Variants in TTC28 observed in about 807,000 individuals in gnomAD.
TTC28 encodes the protein tetratricopeptide repeat domain 28.
TTC28 carries 61 observed loss-of-function variants against 198.0 expected under a neutral mutation model. The ratio of observed to expected loss-of-function variants is 0.31; its 90% CI spans 0.25 to 0.38. The LOEUF (loss-of-function observed/expected upper bound fraction) is 0.38. Among genes scored for constraint, TTC28 ranks in the 10% least tolerant of loss-of-function variants. The pLI is 1.00. For missense variants in TTC28, 2,678 were observed against 3,164.0 expected (o/e 0.85, Z 3.69); for synonymous variants, 1,171 against 1,297.8 (o/e 0.90, Z 2.10).
At chr22:28,418,635 A>C (rs1255550276) in intron 2 of TTC28, among the ~76,000 whole-genome samples, 1 of 152,180 alleles carries the variant, frequency 6.6e-6, no homozygotes, top group Non-Finnish European at 1.5e-5. Flanking sequence ...ACACAGAGAG[A>C]AAGAGTCTCT....
In TTC28 at chr22:28,526,554, G is replaced by C. The variant is rs2049007770; in HGVS notation, c.381+102998C>G. Among the ~76,000 whole-genome samples the C allele has an allele frequency of 2.6e-5, 4 of 152,192 alleles. No individual in the cohort carries two copies. In the South Asian group the frequency reaches 6.2e-4, roughly 24 times the overall value. ...CACCCAGTCCATACAGTGTAGGACA[G>C]CTAGAACCTAAGTAGAACGCCCACA... On this transcript the variant is annotated intron_variant, in intron 2 of 22. Coordinates refer to ENST00000397906, the MANE Select transcript of TTC28 (RefSeq NM_001145418.2).
At chr22:28,600,816 A>G (rs906702242) in intron 2 of TTC28, among the ~76,000 whole-genome samples, 2 of 152,248 alleles carry the variant, frequency 1.3e-5, no homozygotes, top group African/African-American at 2.4e-5. Flanking sequence ...CTCTTAAAGC[A>G]TGGTCACAAG....
chr22:28,452,199 C>T (rs1308356946), intron 2 of TTC28, among the ~76,000 whole-genome samples: 2 of 151,862 alleles, frequency 1.3e-5, no homozygotes, highest in Non-Finnish European at 2.9e-5. Context: ...ACCATCCTGG[C>T]TAACATGGTG....
At chr22:28,143,168 T>C (rs991440014) in intron 6 of TTC28, among the ~76,000 whole-genome samples, 11 of 152,190 alleles carry the variant, frequency 7.2e-5, no homozygotes, top group Admixed American at 1.3e-4. Flanking sequence ...TAAGAATGAC[T>C]TTTATTTTGC....
intron 5 of TTC28, among the ~76,000 whole-genome samples, chr22:28,191,836 C>T (rs529150770): frequency 6.6e-6 from 1 of 152,332 alleles, no homozygotes; most frequent in South Asian, 2.1e-4. Flanking sequence ...GGAGGCCTGC[C>T]TGCCTCTGTA....
At chr22:28,609,786 C>T (rs1207814483) in intron 2 of TTC28, among the ~76,000 whole-genome samples, 1 of 152,180 alleles carries the variant, frequency 6.6e-6, no homozygotes, top group African/African-American at 2.4e-5. Context: ...GCCAAGTGGT[C>T]TGGCTTGGTG....
intron 5 of TTC28, among the ~76,000 whole-genome samples, chr22:28,194,600 A>G (rs1414684223): frequency 1.3e-5 from 2 of 152,104 alleles, no homozygotes; most frequent in African/African-American, 4.8e-5. Flanking sequence ...GATAAAGGGG[A>G]TATCACCACC....
intron 1 of TTC28, among the ~76,000 whole-genome samples, chr22:28,652,272 C>T (rs935347806): frequency 2.0e-5 from 3 of 152,204 alleles, no homozygotes; most frequent in Non-Finnish European, 4.4e-5. Flanking sequence ...GCTTGGTGTA[C>T]ATGTGAACTG....
chr22:28,325,104 CTGGACTTTTTT>C (rs2045507124), intron 2 of TTC28, among the ~76,000 whole-genome samples: 1 of 151,120 alleles, frequency 6.6e-6, no homozygotes, highest in Admixed American at 6.6e-5. Context: ...CCGTCTGGTC[CTGGACTTTTTT>C]TGGTTGGTAA....
intron 12 of TTC28, among the ~76,000 whole-genome samples, chr22:28,057,967 G>A (rs1373574928): frequency 1.3e-5 from 2 of 152,054 alleles, no homozygotes; most frequent in Admixed American, 1.3e-4. Flanking sequence ...CAATTCTTAT[G>A]TGCCACACTG....
chr22:28,509,532 G>A (rs570927757), intron 2 of TTC28, among the ~76,000 whole-genome samples: 22 of 152,196 alleles, frequency 1.4e-4, no homozygotes, highest in African/African-American at 4.1e-4. Flanking sequence ...CAGTTAAAGC[G>A]GTGTTAAGAG....
chr22:28,570,026 T>C (rs991810675), intron 2 of TTC28, among the ~76,000 whole-genome samples: 31 of 152,198 alleles, frequency 2.0e-4, no homozygotes, highest in African/African-American at 5.1e-4. Context: ...CCAGTCAGAA[T>C]GGCTATTATT....
intron 2 of TTC28, among the ~76,000 whole-genome samples, chr22:28,593,465 G>A (rs375878194): frequency 7.4e-4 from 99 of 132,904 alleles, no homozygotes; most frequent in South Asian, 1.8e-3. Context: ...AGATAGGTAG[G>A]TAGCTAGGTA....
At chr22:28,196,046 G>T (rs1271268824) in intron 5 of TTC28, among the ~76,000 whole-genome samples, 1 of 151,696 alleles carries the variant, frequency 6.6e-6, no homozygotes, top group East Asian at 1.9e-4. Context: ...ATACTACAAG[G>T]CTACAGTAAC....
At chr22:28,248,012 A>G (rs772441521) in intron 5 of TTC28, among the ~76,000 whole-genome samples, 9 of 152,222 alleles carry the variant, frequency 5.9e-5, no homozygotes, top group Non-Finnish European at 1.3e-4. Flanking sequence ...GTTAACAAAC[A>G]ATATCATAGT....
chr22:28,592,776 T>C (rs1189766954), intron 2 of TTC28, among the ~76,000 whole-genome samples: 3 of 152,226 alleles, frequency 2.0e-5, no homozygotes, highest in Non-Finnish European at 4.4e-5. Context: ...CTATCTTTTT[T>C]GTTTTCTATT....
chr22:28,389,011 G>A (rs1258520816), intron 2 of TTC28, among the ~76,000 whole-genome samples: 13 of 151,502 alleles, frequency 8.6e-5, no homozygotes, highest in East Asian at 1.9e-4. Context: ...TTTGAGATAC[G>A]TCCCATCAAT....
intron 9 of TTC28, among the ~76,000 whole-genome samples, chr22:28,099,488 T>A (rs1164124879): frequency 1.3e-5 from 2 of 152,062 alleles, no homozygotes; most frequent in East Asian, 3.9e-4. Context: ...CTTCCTCGAG[T>A]GTTTTTCCAG....
chr22:28,482,841 T>A (rs1472084859), intron 2 of TTC28, among the ~76,000 whole-genome samples: 2 of 152,182 alleles, frequency 1.3e-5, no homozygotes, highest in Non-Finnish European at 2.9e-5. Flanking sequence ...ACCTTTTGTG[T>A]CTGGCTTCTT....
Sources: allele counts gnomAD v4.1 joint callset (sites outside exome capture counted in the v4.1 genomes callset), GRCh38; gene constraint gnomAD v4.1.1; transcripts MANE v1.5; gene names NCBI Gene and HGNC (gene_info 2026-07-23, HGNC 2026-07-21).